The following TSPAN13 variants were observed in gnomAD, a reference collection of about 807,000 sequenced individuals.
TSPAN13 encodes the protein tetraspanin-13.
TSPAN13 carries 18 observed loss-of-function variants against 26.9 expected under a neutral mutation model. That is an observed-to-expected ratio of 0.67 (90% confidence interval 0.46 to 0.99). The LOEUF (loss-of-function observed/expected upper bound fraction) is 0.99, where lower values mean the gene tolerates loss of function less well. Ranked by LOEUF, TSPAN13 falls within the 50% of genes least tolerant of loss-of-function variation. The probability of loss-of-function intolerance (pLI) is 0.00; values close to 1 mark genes in which losing one functional copy is unlikely to be tolerated. For synonymous variants in TSPAN13, 116 were observed against 98.4 expected (o/e 1.18, Z -1.06); for missense variants, 201 against 249.6 (o/e 0.81, Z 1.31).
intron 5 of TSPAN13, among the ~76,000 whole-genome samples, chr7:16,781,530 T>C (rs1314556852): frequency 6.6e-6 from 1 of 152,200 alleles, no homozygotes; most frequent in African/African-American, 2.4e-5. Context: ...GGATGTAGCC[T>C]TCCTTTCTAT....
chr7:16,768,882 T>A (rs1046709901), intron 1 of TSPAN13, among the ~76,000 whole-genome samples: 5 of 148,836 alleles, frequency 3.4e-5, no homozygotes, highest in African/African-American at 1.3e-4. Flanking sequence ...ATATCTCTTA[T>A]TTTATTTTTT....
chr7:16,780,092 ATTTATTTAT>A lies in TSPAN13; in HGVS notation c.540+988_540+996del, dbSNP rs562804908. Reference sequence around the variant, plus strand: ...GGCCTAGTATTCATTTTTTATTTTTATTTATTTATTTTATTTATTTATTTTGAGACAGAG... The same window carrying A: ...GGCCTAGTATTCATTTTTTATTTTTATTTATTTATTTATTTTGAGACAGAG... On this transcript the variant is annotated intron_variant, in intron 5 of 5. Coordinates refer to ENST00000262067, the MANE Select transcript of TSPAN13 (RefSeq NM_014399.4). Among the ~76,000 whole-genome samples, 815 of 150,564 alleles carry A rather than the reference ATTTATTTAT, an allele frequency of 5.4e-3. 2 individuals are homozygous for A. The highest frequency in any genetic ancestry group is 8.7e-3 in the Non-Finnish European group (586 of 67,712).
At chr7:16,767,705 G>T (rs1430342313) in intron 1 of TSPAN13, among the ~76,000 whole-genome samples, 1 of 151,954 alleles carries the variant, frequency 6.6e-6, no homozygotes, top group Non-Finnish European at 1.5e-5. Flanking sequence ...GTGTCATCAG[G>T]CTTAGTTTTT....
chr7:16,773,889 A>G (rs1784710649), intron 1 of TSPAN13, among the ~76,000 whole-genome samples: 1 of 152,214 alleles, frequency 6.6e-6, no homozygotes, highest in African/African-American at 2.4e-5. Flanking sequence ...ATTAGGATAT[A>G]TGCATCACAC....
intron 5 of TSPAN13, among the ~76,000 whole-genome samples, chr7:16,782,355 C>T (rs1278391365): frequency 6.6e-6 from 1 of 151,536 alleles, no homozygotes; most frequent in Non-Finnish European, 1.5e-5. Context: ...ACCTAACTCT[C>T]TAGAAGTAGT....
At chr7:16,757,671 A>G (rs912221263) in intron 1 of TSPAN13, among the ~76,000 whole-genome samples, 6 of 152,148 alleles carry the variant, frequency 3.9e-5, no homozygotes, top group African/African-American at 1.4e-4. Context: ...TTCTTATAAC[A>G]TCTTTCCATG....
Position 16,753,785 on chromosome 7 carries a change from A to C in TSPAN13, c.-183A>C. ...TCAGCTGCGGCGGCCGCAGGTTCCA[A>C]AGCGGGTCCGAGCCGCCGCCGCGCG... On this transcript the variant is annotated 5_prime_UTR_variant, in exon 1 of 6. Transcript: ENST00000262067. The C allele has an allele frequency of 2.0e-6, 1 of 497,578 alleles. No individual in the cohort carries two copies. The highest frequency in any genetic ancestry group is 3.4e-6 in the Non-Finnish European group (1 of 293,342). The allele number at this position is 497,578 out of a possible 1,614,324, so 30.8% of individuals were successfully genotyped here. A position where few individuals can be genotyped will look rare whatever the true frequency, so the allele number is the denominator to read the frequency against.
At chr7:16,777,651 C>CA in intron 3 of TSPAN13, 147 bp from the exon 4 acceptor site, 1 of 493,518 alleles carries the variant, frequency 2.0e-6, no homozygotes, top group Non-Finnish European at 3.4e-6. Context: ...ATTTTTGCTG[C>CA]AAACTGAGGA....
Position 16,779,069 on chromosome 7 carries a change from G to A in TSPAN13, c.493G>A (p.Val165Ile). 1 of 1,614,072 alleles carries A rather than the reference G, an allele frequency of 6.2e-7. No homozygotes were observed. Among genetic ancestry groups the A allele is most frequent in the Non-Finnish European group, 8.5e-7 (1 of 1,179,980 alleles). ...APIIGEYAGEVLRFVGGIGLF... is the reference protein window; with the variant it reads ...APIIGEYAGEILRFVGGIGLF... ...AATCATAGGAGAATATGCTGGAGAG[G>A]TTTTGAGATTTGTTGGTGGCATTGG... Residue 165 changes from valine (V) to isoleucine (I), a missense_variant, in exon 5 of 6, where the codon GTT becomes ATT. Coordinates refer to ENST00000262067, the MANE Select transcript of TSPAN13 (RefSeq NM_014399.4).
intron 1 of TSPAN13, among the ~76,000 whole-genome samples, chr7:16,769,418 T>C (rs1784648430): frequency 6.6e-6 from 1 of 152,188 alleles, no homozygotes; most frequent in Non-Finnish European, 1.5e-5. Context: ...CTCCTTAATC[T>C]TCTTTATCTC....
intron 1 of TSPAN13, among the ~76,000 whole-genome samples, chr7:16,772,545 T>A (rs1347622483): frequency 6.6e-6 from 1 of 152,160 alleles, no homozygotes; most frequent in African/African-American, 2.4e-5. Flanking sequence ...CCTCTTTTTT[T>A]TATGTCACTT....
chr7:16,770,736 T>G (rs1426180416), intron 1 of TSPAN13, among the ~76,000 whole-genome samples: 2 of 152,202 alleles, frequency 1.3e-5, no homozygotes, highest in African/African-American at 2.4e-5. Context: ...GGGTCCCTCC[T>G]GAGCAAATTT....
At chr7:16,777,363 C>G (rs1413135953) in intron 3 of TSPAN13, among the ~76,000 whole-genome samples, 1 of 152,130 alleles carries the variant, frequency 6.6e-6, no homozygotes, top group Non-Finnish European at 1.5e-5. Context: ...TTAAAAAGTG[C>G]TATGGCTAAA....
intron 1 of TSPAN13, among the ~76,000 whole-genome samples, chr7:16,769,026 A>T (rs9942564): frequency 6.6e-6 from 1 of 151,984 alleles, no homozygotes; most frequent in African/African-American, 2.4e-5. Context: ...GGGTTTCACT[A>T]TGTTGGCCAG....
At chr7:16,771,252 C>G (rs706064) in intron 1 of TSPAN13, among the ~76,000 whole-genome samples, 25,815 of 152,212 alleles carry the variant, frequency 0.17, 2,463 homozygotes, top group African/African-American at 0.25. Context: ...ATGTTACAGT[C>G]TTTTCAGTGT....
At chr7:16,770,832 C>A (rs1373215115) in intron 1 of TSPAN13, among the ~76,000 whole-genome samples, 1 of 152,162 alleles carries the variant, frequency 6.6e-6, no homozygotes, top group Admixed American at 6.5e-5. Flanking sequence ...CTTGAGGATT[C>A]CTGCATGCCT....
chr7:16,772,398 A>C (rs918943499), intron 1 of TSPAN13, among the ~76,000 whole-genome samples: 1 of 152,206 alleles, frequency 6.6e-6, no homozygotes, highest in Non-Finnish European at 1.5e-5. Context: ...TTATCCCCTC[A>C]CAGTCCTGGA....
chr7:16,777,957 A>G, intron 4 of TSPAN13, 46 bp downstream of exon 4: 1 of 1,371,052 alleles, frequency 7.3e-7, no homozygotes, highest in East Asian at 2.3e-5. Context: ...TATTACAGAT[A>G]AATAATGATT....
rs756241170 is a variant in TSPAN13 at position 16,777,022 on chromosome 7, C to T, written c.232-20C>T. ...CCATTCTAAGAATATTTAGAAGTAT[C>T]CTTAACTTCTAACTCTCAGTATATG... On this transcript the variant is annotated intron_variant, in intron 2 of 5. Coordinates refer to ENST00000262067, the MANE Select transcript of TSPAN13 (RefSeq NM_014399.4). 161 of 1,502,834 alleles carry T rather than the reference C, an allele frequency of 1.1e-4. No homozygotes were observed. Among genetic ancestry groups the T allele is most frequent in the African/African-American group, 2.9e-4 (21 of 72,552 alleles). The allele number at this position is 1,502,834 out of a possible 1,614,324, so 93.1% of individuals were successfully genotyped here.
Sources: allele counts gnomAD v4.1 joint callset (sites outside exome capture counted in the v4.1 genomes callset), GRCh38; gene constraint gnomAD v4.1.1; transcripts MANE v1.5; gene names NCBI Gene and HGNC (gene_info 2026-07-23, HGNC 2026-07-21).